TMPRSS12: variants seen among roughly 807,000 people sequenced by gnomAD.
The protein encoded by TMPRSS12 is transmembrane protease serine 12.
A neutral mutation model predicts 26.0 loss-of-function variants in TMPRSS12; 25 were observed. The ratio of observed to expected loss-of-function variants is 0.96; its 90% CI spans 0.70 to 1.34. The LOEUF is 1.34. Ranked by LOEUF, TMPRSS12 falls within the 40% of genes most tolerant of loss-of-function variation. TMPRSS12 has a pLI of 0.00. For missense variants in TMPRSS12, 441 were observed against 440.1 expected, an observed-to-expected ratio of 1.00 and a Z score of -0.02; for synonymous variants, 150 against 161.7, an observed-to-expected ratio of 0.93 and a Z score of 0.55.
chr12:50,881,627 G>A (rs2139737553), intron 3 of TMPRSS12, among the ~76,000 whole-genome samples: 1 of 152,082 alleles, frequency 6.6e-6, no homozygotes, highest in South Asian at 2.1e-4. Context: ...CAAAACTTGA[G>A]AGCTGCAGAT....
At chr12:50,867,052 G>C (rs1937997976) in intron 3 of TMPRSS12, among the ~76,000 whole-genome samples, 1 of 152,140 alleles carries the variant, frequency 6.6e-6, no homozygotes, top group South Asian at 2.1e-4. Flanking sequence ...AACCAACTCT[G>C]GTAATACGAC....
chr12:50,885,668 TTTTA>T (rs759152841), intron 4 of TMPRSS12: 15 of 587,246 alleles, frequency 2.6e-5, no homozygotes, highest in East Asian at 5.7e-5. Context: ...TCAATTTTTT[TTTTA>T]TTTGAGATAG....
At chr12:50,860,344 G>C (rs369125398) in intron 3 of TMPRSS12, among the ~76,000 whole-genome samples, 11 of 152,118 alleles carry the variant, frequency 7.2e-5, no homozygotes, top group Admixed American at 7.2e-4. Flanking sequence ...CAGTCTCTTT[G>C]GTAATAAGAG....
intron 2 of TMPRSS12, among the ~76,000 whole-genome samples, chr12:50,845,483 C>T (rs1937759144): frequency 6.6e-6 from 1 of 152,180 alleles, no homozygotes; most frequent in Non-Finnish European, 1.5e-5. Context: ...GCTGTCAACT[C>T]CTAGGTCTCT....
intron 2 of TMPRSS12, among the ~76,000 whole-genome samples, chr12:50,848,614 T>C (rs1937796088): frequency 6.6e-6 from 1 of 152,266 alleles, no homozygotes; most frequent in African/African-American, 2.4e-5. Context: ...TTTCAGCTCC[T>C]ATTGCCAACT....
chr12:50,879,455 C>T (rs1386264921), intron 3 of TMPRSS12, among the ~76,000 whole-genome samples: 2 of 152,182 alleles, frequency 1.3e-5, no homozygotes, highest in Non-Finnish European at 2.9e-5. Flanking sequence ...AATGTAAATG[C>T]TAATTTGACA....
At chr12:50,855,074 T>C (rs1032564207) in intron 2 of TMPRSS12, among the ~76,000 whole-genome samples, 1 of 152,130 alleles carries the variant, frequency 6.6e-6, no homozygotes, top group African/African-American at 2.4e-5. Flanking sequence ...ACTGGAAGGC[T>C]ACAGTAACTA....
At chr12:50,857,754 A>G (rs1937892374) in intron 2 of TMPRSS12, among the ~76,000 whole-genome samples, 1 of 151,888 alleles carries the variant, frequency 6.6e-6, no homozygotes, top group Non-Finnish European at 1.5e-5. Context: ...CGTCAATGTT[A>G]TATATTCATC....
In TMPRSS12 at chr12:50,880,203, C is replaced by G. The variant is rs578038867; in HGVS notation, c.653-5043C>G. Among the ~76,000 whole-genome samples the G allele has an allele frequency of 1.1e-4, 16 of 152,030 alleles. 1 individual carries two copies. The South Asian group carries it at 3.1e-3, about 30-fold the overall frequency. ...CTTGCAACCAGGAGTTTGAGACCAGCCTGAGCAACAAAGCAAGATCTCATT... is the reference window on the plus strand; with the variant it reads ...CTTGCAACCAGGAGTTTGAGACCAGGCTGAGCAACAAAGCAAGATCTCATT... On this transcript the variant is annotated intron_variant, in intron 3 of 4. Transcript: ENST00000398458.
chr12:50,858,270 G>A (rs974506012), intron 2 of TMPRSS12, among the ~76,000 whole-genome samples: 3 of 152,110 alleles, frequency 2.0e-5, no homozygotes, highest in Non-Finnish European at 4.4e-5. Flanking sequence ...CTAGCTTCCC[G>A]TTATCAACTG....
At chr12:50,867,528 AC>A (rs1215462532) in intron 3 of TMPRSS12, among the ~76,000 whole-genome samples, 9 of 152,194 alleles carry the variant, frequency 5.9e-5, no homozygotes, top group African/African-American at 1.2e-4. Context: ...AAGAAGAGAA[AC>A]CTAAAGTTTG....
Position 50,885,796 on chromosome 12 carries a change from C to T in TMPRSS12, c.795+408C>T, listed in dbSNP as rs992430199. 1.6e-5 allele frequency: 6 copies of T among 366,496 alleles called. No individual in the cohort carries two copies. In the East Asian group the frequency reaches 2.4e-4, roughly 14 times the overall value. The allele number at this position is 366,496 out of a possible 1,614,324, so 22.7% of individuals were successfully genotyped here. A position where few individuals can be genotyped will look rare whatever the true frequency, so the allele number is the denominator to read the frequency against. On this transcript the variant is annotated intron_variant, in intron 4 of 4. Transcript: ENST00000398458. ...TCAGCCTCCTAGGTAGCTGGAATTA[C>T]AGGCACACATCACTATGCCCGGCCA...
In TMPRSS12 at chr12:50,857,426, G is replaced by C. The variant is rs187600532; in HGVS notation, c.384-1359G>C. Among the ~76,000 whole-genome samples the C allele has an allele frequency of 7.1e-5, 9 of 126,322 alleles. No homozygotes were observed. In the East Asian group the frequency reaches 2.0e-3, roughly 28 times the overall value. 82.9% of individuals were successfully genotyped at this position (126,322 alleles called of 152,430 possible). A position where few individuals can be genotyped will look rare whatever the true frequency, so the allele number is the denominator to read the frequency against. On this transcript the variant is annotated intron_variant, in intron 2 of 4. Coordinates refer to ENST00000398458, the MANE Select transcript of TMPRSS12 (RefSeq NM_182559.3). Reference sequence around the variant, plus strand: ...TTTACACTTTCTGCCATGAATAAGAGTACCCTTGTTCCTCTAACTCGTCTG... The same window carrying C: ...TTTACACTTTCTGCCATGAATAAGACTACCCTTGTTCCTCTAACTCGTCTG...
intron 3 of TMPRSS12, among the ~76,000 whole-genome samples, chr12:50,882,289 A>T (rs1328388159): frequency 6.2e-5 from 2 of 32,108 alleles, no homozygotes; most frequent in East Asian, 1.1e-3. Flanking sequence ...ATCTCTCTAA[A>T]AAAAAAAAAA....
At chr12:50,855,571 G>T (rs1158586817) in intron 2 of TMPRSS12, among the ~76,000 whole-genome samples, 2 of 152,164 alleles carry the variant, frequency 1.3e-5, no homozygotes, top group Non-Finnish European at 2.9e-5. Flanking sequence ...TTCTAGCAAG[G>T]CTATGGAGAA....
intron 3 of TMPRSS12, among the ~76,000 whole-genome samples, chr12:50,872,649 C>CATATATATGACGTATATATGCACAT (rs146159837): frequency 1.9e-5 from 1 of 52,466 alleles, no homozygotes; most frequent in African/African-American, 9.0e-5. Context: ...CGTATATGTA[C>CATATATATGACGTATATATGCACAT]ATATATGACG....
chr12:50,872,743 T>TGACGTATATATAG (rs767637269), intron 3 of TMPRSS12, among the ~76,000 whole-genome samples: 1 of 23,198 alleles, frequency 4.3e-5, no homozygotes, highest in Non-Finnish European at 1.0e-4. Flanking sequence ...TACATATATA[T>TGACGTATATATAG]ACGTCTATAT....
At chr12:50,887,073 GT>G (rs1938234554) in intron 4 of TMPRSS12, 188 bp from the exon 5 acceptor site, 1 of 594,546 alleles carries the variant, frequency 1.7e-6, no homozygotes, top group Non-Finnish European at 2.8e-6. Flanking sequence ...AAATACCTGG[GT>G]AAAATTGAAT....
At chr12:50,882,864 G>T (rs538831849) in intron 3 of TMPRSS12, among the ~76,000 whole-genome samples, 4 of 152,044 alleles carry the variant, frequency 2.6e-5, no homozygotes, top group Non-Finnish European at 5.9e-5. Flanking sequence ...CTATACATAC[G>T]CTTCCAAAGA....
Sources: gnomAD v4.1 joint callset for allele counts (sites outside exome capture counted in the v4.1 genomes callset) on GRCh38, gnomAD v4.1.1 for gene constraint, MANE v1.5 for transcripts, NCBI Gene and HGNC (gene_info 2026-07-23, HGNC 2026-07-21) for gene names.